The following TTC39C variants were observed in gnomAD, a reference collection of about 807,000 sequenced individuals.
TTC39C encodes tetratricopeptide repeat protein 39C.
In TTC39C, 33 loss-of-function variants were observed where a neutral mutation model predicts 76.3. The ratio of observed to expected loss-of-function variants is 0.43; its 90% CI spans 0.33 to 0.58. The LOEUF (loss-of-function observed/expected upper bound fraction) is 0.58, where lower values mean the gene tolerates loss of function less well. Among genes scored for constraint, TTC39C ranks in the 20% least tolerant of loss-of-function variants. The pLI, the probability that TTC39C is intolerant of heterozygous loss-of-function variation, is 0.04. For synonymous variants in TTC39C, 254 were observed against 260.6 expected (o/e 0.97, Z 0.24); for missense variants, 595 against 701.4 (o/e 0.85, Z 1.71).
chr18:24,037,877 A>G (rs1904987347), intron 1 of TTC39C, among the ~76,000 whole-genome samples: 4 of 152,132 alleles, frequency 2.6e-5, no homozygotes, highest in Non-Finnish European at 2.9e-5. Flanking sequence ...GGTACCATGG[A>G]TCAGGTCAGG....
intron 3 of TTC39C, among the ~76,000 whole-genome samples, chr18:24,067,357 C>T (rs2084178738): frequency 6.6e-6 from 1 of 152,196 alleles, no homozygotes; most frequent in African/African-American, 2.4e-5. Context: ...TTGTCTAAGA[C>T]ACATGGGTAT....
intron 1 of TTC39C, among the ~76,000 whole-genome samples, chr18:24,033,355 A>G (rs1375458411): frequency 6.6e-6 from 1 of 152,178 alleles, no homozygotes; most frequent in Non-Finnish European, 1.5e-5. Context: ...TTTGACTTGT[A>G]GTTACCATGA....
intron 4 of TTC39C, among the ~76,000 whole-genome samples, chr18:24,075,737 A>AAAGGC (rs1328295118): frequency 6.6e-6 from 1 of 152,050 alleles, no homozygotes; most frequent in East Asian, 1.9e-4. Context: ...GAGACACAAG[A>AAAGGC]AAGGCAAGCC....
intron 1 of TTC39C, among the ~76,000 whole-genome samples, chr18:24,042,683 C>A (rs559705774): frequency 6.6e-6 from 1 of 152,118 alleles, no homozygotes; most frequent in Non-Finnish European, 1.5e-5. Flanking sequence ...TGATACTATA[C>A]GTAGGCAAAT....
intron 1 of TTC39C, among the ~76,000 whole-genome samples, chr18:24,037,264 C>G (rs1219174306): frequency 6.6e-6 from 1 of 152,092 alleles, no homozygotes; most frequent in African/African-American, 2.4e-5. Flanking sequence ...TTGCATGGTC[C>G]TTTTTAGGCT....
At chr18:24,039,210 C>T (rs1479380995) in intron 1 of TTC39C, among the ~76,000 whole-genome samples, 1 of 152,194 alleles carries the variant, frequency 6.6e-6, no homozygotes, top group African/African-American at 2.4e-5. Flanking sequence ...CTTCACTTAG[C>T]AGAGCCAGGA....
At chr18:24,033,271 A>T (rs980293337) in intron 1 of TTC39C, among the ~76,000 whole-genome samples, 1 of 152,188 alleles carries the variant, frequency 6.6e-6, no homozygotes, top group African/African-American at 2.4e-5. Flanking sequence ...AATAAATAAA[A>T]TAAATAACCA....
At chr18:24,117,983 C>T (rs533749146) in intron 7 of TTC39C, 142 bp from the exon 8 acceptor site, 1 of 543,028 alleles carries the variant, frequency 1.8e-6, no homozygotes, top group East Asian at 3.4e-5. Flanking sequence ...AAAATAATTT[C>T]TTAGGTTTTC....
At chr18:23,996,144 A>G (rs919635792) in intron 1 of TTC39C, among the ~76,000 whole-genome samples, 1 of 152,326 alleles carries the variant, frequency 6.6e-6, no homozygotes, top group East Asian at 1.9e-4. Flanking sequence ...TTTAGTTTAC[A>G]TTTCCATCAA....
chr18:24,033,342 C>G (rs1383415004), intron 1 of TTC39C, among the ~76,000 whole-genome samples: 1 of 152,194 alleles, frequency 6.6e-6, no homozygotes, highest in East Asian at 1.9e-4. Flanking sequence ...TCTTTCCTTA[C>G]TCTTTGACTT....
intron 1 of TTC39C, among the ~76,000 whole-genome samples, chr18:23,997,923 C>G (rs2083282718): frequency 6.6e-6 from 1 of 151,576 alleles, no homozygotes; most frequent in Non-Finnish European, 1.5e-5. Context: ...AGAAGAGTTG[C>G]CTTGAGCCAA....
chr18:24,094,517 T>C (rs1439301488), intron 6 of TTC39C, among the ~76,000 whole-genome samples: 2 of 152,244 alleles, frequency 1.3e-5, no homozygotes. Context: ...AGCTATAGCC[T>C]TATCAAATGT....
intron 1 of TTC39C, among the ~76,000 whole-genome samples, chr18:24,019,464 A>G (rs182419344): frequency 2.4e-4 from 36 of 152,340 alleles, no homozygotes; most frequent in African/African-American, 8.4e-4. Context: ...AAATGGCGAA[A>G]ATGTATTAAA....
Position 24,035,710 on chromosome 18 carries a change from T to TC in TTC39C, c.167+20680dup, listed in dbSNP as rs58135617. The stretch of plus-strand genomic sequence containing the variant: ...ATCTAACGTATAATTTTCAGACATT[T>TC]CCCCCCCCATTCCATGGATTGCCTT... On this transcript the variant is annotated intron_variant, in intron 1 of 13. Coordinates refer to ENST00000317571, the MANE Select transcript of TTC39C (RefSeq NM_001135993.2). 4.2e-3 allele frequency among the ~76,000 whole-genome samples: 645 copies of TC among 151,952 alleles called. 1 individual carries two copies. The Middle Eastern group carries it at 0.044, about 10-fold the overall frequency.
chr18:24,073,583 A>C (rs1479382132), intron 4 of TTC39C, among the ~76,000 whole-genome samples: 3 of 151,810 alleles, frequency 2.0e-5, no homozygotes, highest in African/African-American at 7.3e-5. Context: ...GCTGGAGATC[A>C]TAGCTCACTT....
chr18:24,066,123 A>G lies in TTC39C; in HGVS notation c.328A>G (p.Asn110Asp). 7 of 1,597,450 alleles carry G rather than the reference A, an allele frequency of 4.4e-6. No individual in the cohort carries two copies. The highest frequency in any genetic ancestry group is 6.0e-6 in the Non-Finnish European group (7 of 1,176,094). ...GGCTGGAGTAATTGAAACAATCAAG[A>G]ATAAAATTAAGAAGAACGTAAGTAT... ...EEAGVIETIK[N>D]KIKKNVDVRK... Residue 110 changes from asparagine (N) to aspartate (D), a missense_variant, in exon 3 of 14, where the codon AAT becomes GAT. By Grantham distance (23) the Asn-to-Asp change is conservative. Coordinates refer to ENST00000317571, the MANE Select transcript of TTC39C (RefSeq NM_001135993.2).
At chr18:24,056,968 C>T (rs1359704557) in intron 1 of TTC39C, among the ~76,000 whole-genome samples, 1 of 152,066 alleles carries the variant, frequency 6.6e-6, no homozygotes, top group East Asian at 1.9e-4. Context: ...TAGGTGTGAG[C>T]CATCATGCCT....
intron 1 of TTC39C, among the ~76,000 whole-genome samples, chr18:24,005,784 G>A (rs1029903390): frequency 4.0e-5 from 6 of 151,132 alleles, no homozygotes; most frequent in Admixed American, 6.6e-5. Context: ...GTTTGAAGCT[G>A]CAATAAGCTA....
chr18:24,090,470 T>C (rs2084502872), intron 6 of TTC39C, among the ~76,000 whole-genome samples: 1 of 152,218 alleles, frequency 6.6e-6, no homozygotes, highest in South Asian at 2.1e-4. Context: ...GCTGAAAAGA[T>C]ATCCATGTTT....
Sources: gnomAD v4.1 joint callset for allele counts (sites outside exome capture counted in the v4.1 genomes callset) on GRCh38, gnomAD v4.1.1 for gene constraint, MANE v1.5 for transcripts, NCBI Gene and HGNC (gene_info 2026-07-23, HGNC 2026-07-21) for gene names.